The following NKAIN2 variants were observed in gnomAD, a reference collection of about 807,000 sequenced individuals.
NKAIN2 encodes sodium/potassium-transporting ATPase subunit beta-1-interacting protein 2.
Under a neutral mutation model 32.6 loss-of-function variants are expected in NKAIN2, and 14 were observed. The observed-to-expected ratio is 0.43, with a 90% CI of 0.28 to 0.67. The LOEUF is 0.67. Among genes scored for constraint, NKAIN2 ranks in the 30% least tolerant of loss-of-function variants. NKAIN2 has a pLI of 0.17. For synonymous variants in NKAIN2, 80 were observed against 87.2 expected, an observed-to-expected ratio of 0.92 and a Z score of 0.46; for missense variants, 198 against 258.3, an observed-to-expected ratio of 0.77 and a Z score of 1.60.
chr6:124,156,997 G>C (rs1788017545), intron 1 of NKAIN2, among the ~76,000 whole-genome samples: 1 of 149,310 alleles, frequency 6.7e-6, no homozygotes, highest in South Asian at 2.1e-4. Context: ...CAGCTACTTG[G>C]GAGGCTAAGC....
intron 1 of NKAIN2, among the ~76,000 whole-genome samples, chr6:123,867,782 C>T (rs1772614933): frequency 6.6e-6 from 1 of 152,136 alleles, no homozygotes; most frequent in Non-Finnish European, 1.5e-5. Flanking sequence ...AGCTCCTTCC[C>T]CTTTACTCAG....
At chr6:124,225,171 T>C (rs917691522) in intron 1 of NKAIN2, among the ~76,000 whole-genome samples, 1 of 152,082 alleles carries the variant, frequency 6.6e-6, no homozygotes, top group Non-Finnish European at 1.5e-5. Context: ...ATGTTTCTGT[T>C]TCTATGTTTT....
chr6:123,975,971 G>A (rs996760634), intron 1 of NKAIN2, among the ~76,000 whole-genome samples: 2 of 151,914 alleles, frequency 1.3e-5, no homozygotes, highest in East Asian at 2.0e-4. Flanking sequence ...GATCATGGGG[G>A]CGGGTCTTTT....
At chr6:124,702,476 C>G (rs538307800) in intron 4 of NKAIN2, among the ~76,000 whole-genome samples, 2 of 152,008 alleles carry the variant, frequency 1.3e-5, no homozygotes, top group African/African-American at 4.8e-5. Context: ...CTTGCCAACA[C>G]GGTTTTCATT....
chr6:124,804,583 T>C (rs1037371836), intron 5 of NKAIN2: 4 of 167,044 alleles, frequency 2.4e-5, no homozygotes, highest in African/African-American at 9.6e-5. Flanking sequence ...ACAGGTGATT[T>C]CTGCATTTCC....
At chr6:124,287,568 A>G (rs529618650) in intron 2 of NKAIN2, among the ~76,000 whole-genome samples, 1 of 152,328 alleles carries the variant, frequency 6.6e-6, no homozygotes, top group South Asian at 2.1e-4. Flanking sequence ...AATGAAATAG[A>G]TGTTTTCAGG....
intron 5 of NKAIN2, among the ~76,000 whole-genome samples, chr6:124,800,610 A>T (rs1562390591): frequency 6.6e-6 from 1 of 152,240 alleles, no homozygotes; most frequent in African/African-American, 2.4e-5. Flanking sequence ...TTTAAAGTTT[A>T]ATTTCCTTTG....
chr6:124,242,516 C>T (rs962225519), intron 1 of NKAIN2, among the ~76,000 whole-genome samples: 3 of 152,078 alleles, frequency 2.0e-5, no homozygotes, highest in Non-Finnish European at 2.9e-5. Flanking sequence ...ACCAGAAATA[C>T]CATTTGACCC....
intron 1 of NKAIN2, among the ~76,000 whole-genome samples, chr6:124,151,645 T>C (rs802248): frequency 0.79 from 120,690 of 151,920 alleles, 49,227 homozygotes; most frequent in South Asian, 0.9. Flanking sequence ...GTGAGATTTC[T>C]GGTTGTCAGC....
chr6:124,323,488 T>A (rs1446804829), intron 2 of NKAIN2, among the ~76,000 whole-genome samples: 1 of 152,180 alleles, frequency 6.6e-6, no homozygotes, highest in Non-Finnish European at 1.5e-5. Flanking sequence ...ACAGTTTAGG[T>A]CAAGGCTCAT....
intron 1 of NKAIN2, among the ~76,000 whole-genome samples, chr6:123,937,761 T>TG (rs1398945414): frequency 2.0e-5 from 3 of 152,068 alleles, no homozygotes; most frequent in Admixed American, 6.6e-5. Flanking sequence ...CCAATTTGTT[T>TG]GGGGTATCAA....
At chr6:124,731,545 T>G (rs1776670714) in intron 4 of NKAIN2, among the ~76,000 whole-genome samples, 1 of 116,996 alleles carries the variant, frequency 8.5e-6, no homozygotes, top group Admixed American at 1.1e-4. Context: ...AATATCACAC[T>G]CTGGGGACTG....
chr6:123,947,376 T>C (rs1477809798), intron 1 of NKAIN2, among the ~76,000 whole-genome samples: 1 of 152,172 alleles, frequency 6.6e-6, no homozygotes, highest in East Asian at 1.9e-4. Context: ...GAAAATGCCA[T>C]TTCAAATATT....
intron 1 of NKAIN2, among the ~76,000 whole-genome samples, chr6:123,864,099 T>C (rs1775893419): frequency 6.6e-6 from 1 of 152,228 alleles, no homozygotes; most frequent in African/African-American, 2.4e-5. Context: ...GCTTGTTTTG[T>C]TTTTCTTTAT....
At chr6:124,757,258 T>C (rs1358132709) in intron 4 of NKAIN2, among the ~76,000 whole-genome samples, 2 of 152,202 alleles carry the variant, frequency 1.3e-5, no homozygotes, top group East Asian at 1.9e-4. Flanking sequence ...CTACATTTTT[T>C]CCCACATTTC....
intron 2 of NKAIN2, among the ~76,000 whole-genome samples, chr6:124,354,272 A>G (rs537958232): frequency 6.6e-6 from 1 of 152,186 alleles, no homozygotes; most frequent in African/African-American, 2.4e-5. Context: ...TTAAAAAGTC[A>G]CTCTCATTTG....
At chr6:124,592,616 A>C (rs1486744461) in intron 3 of NKAIN2, among the ~76,000 whole-genome samples, 1 of 152,224 alleles carries the variant, frequency 6.6e-6, no homozygotes, top group Admixed American at 6.5e-5. Context: ...TTCTGTATTC[A>C]TCCAAAGTGA....
At chr6:124,374,830 C>G (rs1025069010) in intron 3 of NKAIN2, among the ~76,000 whole-genome samples, 1 of 151,914 alleles carries the variant, frequency 6.6e-6, no homozygotes, top group Non-Finnish European at 1.5e-5. Context: ...TTTTACGGTG[C>G]TTTTAAGATC....
chr6:124,643,491 A>T (rs1784063572), intron 3 of NKAIN2, among the ~76,000 whole-genome samples: 1 of 152,194 alleles, frequency 6.6e-6, no homozygotes, highest in Admixed American at 6.5e-5. Context: ...CTTATTAAGT[A>T]CTTATCAAAT....
Sources: allele counts gnomAD v4.1 joint callset (sites outside exome capture counted in the v4.1 genomes callset), GRCh38; gene constraint gnomAD v4.1.1; transcripts MANE v1.5; gene names NCBI Gene and HGNC (gene_info 2026-07-23, HGNC 2026-07-21).